CNNM2: variants seen among roughly 807,000 people sequenced by gnomAD.
The protein encoded by CNNM2 is metal transporter CNNM2.
CNNM2 carries 12 observed loss-of-function variants against 66.9 expected under a neutral mutation model. The observed-to-expected ratio is 0.18, with a 90% CI of 0.11 to 0.29. The LOEUF (loss-of-function observed/expected upper bound fraction) is 0.29, where lower values mean the gene tolerates loss of function less well. Ranked by LOEUF, CNNM2 falls within the 10% of genes least tolerant of loss-of-function variation. The probability of loss-of-function intolerance (pLI) is 1.00; values close to 1 mark genes in which losing one functional copy is unlikely to be tolerated. For synonymous variants in CNNM2, 557 were observed against 501.8 expected (o/e 1.11, Z -1.47); for missense variants, 705 against 1,167.7 (o/e 0.60, Z 5.77).
chr10:102,926,174 C>T (rs1203630309), intron 1 of CNNM2, among the ~76,000 whole-genome samples: 1 of 152,044 alleles, frequency 6.6e-6, no homozygotes, highest in Non-Finnish European at 1.5e-5. Flanking sequence ...ATTTGTGTAC[C>T]CTCTGTACCA....
At chr10:102,933,931 A>C (rs1035323374) in intron 1 of CNNM2, among the ~76,000 whole-genome samples, 6 of 152,102 alleles carry the variant, frequency 3.9e-5, no homozygotes, top group African/African-American at 1.2e-4. Flanking sequence ...AACCCTGGGC[A>C]CAAGCGATCC....
At position 103,056,950 on chromosome 10, in the gene CNNM2, G is replaced by A. The variant is rs779494027; in HGVS notation, c.2059G>A (p.Val687Ile). The A allele has an allele frequency of 7.1e-5, 114 of 1,610,644 alleles. No homozygotes were observed. The highest frequency in any genetic ancestry group is 9.2e-5 in the Non-Finnish European group (109 of 1,178,882). ...YQRNKPVDYF[V>I]LILQGKVEVE... ...GCGCAACAAGCCAGTAGACTACTTCGTTCTCATTCTGCAGGTCAGAAGAAT... is the reference window on the plus strand; with the variant it reads ...GCGCAACAAGCCAGTAGACTACTTCATTCTCATTCTGCAGGTCAGAAGAAT... Residue 687 changes from valine to isoleucine, a missense_variant, in exon 4 of 8, where the codon GTT becomes ATT. Around this residue, in one of 9 missense-constraint regions of CNNM2, gnomAD observed 171 missense variants for 304.8 expected, o/e 0.56. Transcript: ENST00000369878.
intron 1 of CNNM2, among the ~76,000 whole-genome samples, chr10:103,015,906 T>G (rs1197563208): frequency 6.6e-6 from 1 of 151,824 alleles, no homozygotes; most frequent in Non-Finnish European, 1.5e-5. Flanking sequence ...CCCCTCTAGG[T>G]AGATGAATTA....
intron 4 of CNNM2, among the ~76,000 whole-genome samples, chr10:103,064,727 C>A (rs1418072653): frequency 2.0e-5 from 3 of 152,066 alleles, no homozygotes; most frequent in Non-Finnish European, 4.4e-5. Flanking sequence ...GTAGTGCCAG[C>A]TACTCAGGAG....
At chr10:102,960,718 CA>C (rs2063364966) in intron 1 of CNNM2, among the ~76,000 whole-genome samples, 1 of 150,252 alleles carries the variant, frequency 6.7e-6, no homozygotes, top group Admixed American at 6.6e-5. Flanking sequence ...CTCCCAGGCT[CA>C]AGCTATCCTC....
At chr10:102,967,719 C>T (rs1194394957) in intron 1 of CNNM2, among the ~76,000 whole-genome samples, 4 of 152,130 alleles carry the variant, frequency 2.6e-5, no homozygotes, top group African/African-American at 9.7e-5. Context: ...TTATTAATAA[C>T]GCTCCAAGGC....
intron 1 of CNNM2, among the ~76,000 whole-genome samples, chr10:102,960,783 C>A (rs1023509169): frequency 1.0e-5 from 1 of 97,870 alleles, no homozygotes; most frequent in African/African-American, 3.9e-5. Context: ...CCATACCTGG[C>A]TTTTTTTTTT....
At chr10:103,050,233 C>G (rs1590461977) in intron 2 of CNNM2, among the ~76,000 whole-genome samples, 1 of 152,236 alleles carries the variant, frequency 6.6e-6, no homozygotes, top group East Asian at 1.9e-4. Flanking sequence ...CTCAAGTACT[C>G]TTTAAAGTGA....
intron 7 of CNNM2, among the ~76,000 whole-genome samples, chr10:103,076,715 C>T (rs2065698215): frequency 6.6e-6 from 1 of 152,186 alleles, no homozygotes; most frequent in African/African-American, 2.4e-5. Context: ...AACAAGCCAG[C>T]TTTAGCTGGG....
chr10:103,029,453 A>G (rs1163562), intron 1 of CNNM2, among the ~76,000 whole-genome samples: 3 of 144,910 alleles, frequency 2.1e-5, no homozygotes, highest in Admixed American at 6.8e-5. Flanking sequence ...GACAGAGCAA[A>G]ACTCCGTCTC....
intron 1 of CNNM2, among the ~76,000 whole-genome samples, chr10:103,043,556 G>A (rs1564858177): frequency 6.6e-6 from 1 of 152,192 alleles, no homozygotes; most frequent in Admixed American, 6.5e-5. Flanking sequence ...TGCAAATGTG[G>A]TAATCCACTA....
At chr10:103,047,566 T>G (rs906682795) in intron 1 of CNNM2, among the ~76,000 whole-genome samples, 5 of 152,250 alleles carry the variant, frequency 3.3e-5, no homozygotes. Flanking sequence ...TAGTGTAAGA[T>G]GTTAACAATG....
intron 6 of CNNM2, among the ~76,000 whole-genome samples, chr10:103,073,959 C>T (rs536130484): frequency 2.0e-5 from 3 of 150,588 alleles, no homozygotes; most frequent in East Asian, 2.0e-4. Flanking sequence ...GCACTTTGTA[C>T]GTGATCTTAT....
At chr10:103,035,347 T>C (rs983740326) in intron 1 of CNNM2, among the ~76,000 whole-genome samples, 3 of 152,204 alleles carry the variant, frequency 2.0e-5, no homozygotes, top group Non-Finnish European at 2.9e-5. Context: ...CTGAAAGCCA[T>C]CTTTTGTCTT....
chr10:103,074,181 A>C, intron 6 of CNNM2, among the ~76,000 whole-genome samples: 1 of 151,936 alleles, frequency 6.6e-6, no homozygotes, highest in African/African-American at 2.4e-5. Flanking sequence ...CCAGCTACTC[A>C]GGAGGCTGAG....
chr10:102,998,716 G>A (rs573402250), intron 1 of CNNM2, among the ~76,000 whole-genome samples: 13 of 152,158 alleles, frequency 8.5e-5, no homozygotes, highest in African/African-American at 3.1e-4. Flanking sequence ...GGTGACTCAC[G>A]CCTGTAATCC....
At chr10:102,984,294 A>C (rs1055306865) in intron 1 of CNNM2, among the ~76,000 whole-genome samples, 6 of 152,208 alleles carry the variant, frequency 3.9e-5, no homozygotes, top group African/African-American at 1.4e-4. Context: ...AGGAGGATTC[A>C]GCAGAAGCTG....
chr10:103,076,041 G>C lies in CNNM2; in HGVS notation c.2234-45G>C, dbSNP rs369463832. On this transcript the variant is annotated intron_variant, in intron 6 of 7. Coordinates refer to ENST00000369878, the MANE Select transcript of CNNM2 (RefSeq NM_017649.5). Reference sequence around the variant, plus strand: ...TGGAAAATAACTGGTTTTATTGGCTGTATCTACTTCACTTAAACAGTTGGA... The same window carrying C: ...TGGAAAATAACTGGTTTTATTGGCTCTATCTACTTCACTTAAACAGTTGGA... The C allele has an allele frequency of 2.9e-5, 44 of 1,519,222 alleles. No individual in the cohort carries two copies. The highest frequency in any genetic ancestry group is 3.9e-5 in the Non-Finnish European group (43 of 1,113,270). 94.1% of individuals were successfully genotyped at this position (1,519,222 alleles called of 1,614,324 possible).
At chr10:103,072,123 C>G (rs879696049) in intron 6 of CNNM2, among the ~76,000 whole-genome samples, 3 of 152,144 alleles carry the variant, frequency 2.0e-5, no homozygotes, top group African/African-American at 4.8e-5. Flanking sequence ...GCTCCCTGCC[C>G]TTGTGGCTGA....
Sources: allele counts gnomAD v4.1 joint callset (sites outside exome capture counted in the v4.1 genomes callset), GRCh38; gene constraint gnomAD v4.1.1; regional missense constraint gnomAD v4.1.1; transcripts MANE v1.5; gene names NCBI Gene and HGNC (gene_info 2026-07-23, HGNC 2026-07-21).